Variants in TANC2 observed in about 807,000 individuals in gnomAD.
TANC2 encodes the protein protein TANC2.
In TANC2, 26 loss-of-function variants were observed where a neutral mutation model predicts 210.5. The observed-to-expected ratio is 0.12, with a 90% confidence interval of 0.09 to 0.17. The LOEUF (loss-of-function observed/expected upper bound fraction) is 0.17. Among genes scored for constraint, TANC2 ranks in the 10% least tolerant of loss-of-function variants. The pLI, the probability that TANC2 is intolerant of heterozygous loss-of-function variation, is 1.00. For missense variants in TANC2, 2,129 were observed against 2,608.9 expected (o/e 0.82, Z 4.01); for synonymous variants, 931 against 967.1 (o/e 0.96, Z 0.69).
At chr17:63,301,467 G>C (rs1233008635) in intron 9 of TANC2, among the ~76,000 whole-genome samples, 1 of 152,148 alleles carries the variant, frequency 6.6e-6, no homozygotes, top group Non-Finnish European at 1.5e-5. Flanking sequence ...CTTGTTACTG[G>C]TCTATTCAGG....
chr17:63,270,523 T>A (rs574419966), intron 9 of TANC2, among the ~76,000 whole-genome samples: 1 of 152,294 alleles, frequency 6.6e-6, no homozygotes, highest in East Asian at 1.9e-4. Flanking sequence ...TTCTTCTGAT[T>A]ATGATTAAAA....
chr17:63,424,210 C>T (rs942742898), exon 28 of TANC2: 3 of 152,276 alleles, frequency 2.0e-5, no homozygotes, highest in Non-Finnish European at 4.4e-5. Context: ...GCTGATGCCG[C>T]TTCTCCCCAG....
At chr17:63,042,087 C>A (rs992162788) in intron 2 of TANC2, among the ~76,000 whole-genome samples, 2 of 152,110 alleles carry the variant, frequency 1.3e-5, no homozygotes, top group African/African-American at 4.8e-5. Context: ...AATATAGTTG[C>A]AAATTATAGT....
At chr17:63,242,635 T>G (rs901893696) in intron 8 of TANC2, among the ~76,000 whole-genome samples, 1 of 151,992 alleles carries the variant, frequency 6.6e-6, no homozygotes, top group Non-Finnish European at 1.5e-5. Flanking sequence ...AGGTCAAAAA[T>G]GAGTGGGATT....
intron 1 of TANC2, among the ~76,000 whole-genome samples, chr17:63,009,051 CT>C: frequency 6.6e-6 from 1 of 152,014 alleles, no homozygotes; most frequent in South Asian, 2.1e-4. Context: ...GTTTAATAGT[CT>C]TTTTTATCAT....
intron 1 of TANC2, among the ~76,000 whole-genome samples, chr17:63,002,922 T>C (rs1341674138): frequency 1.3e-5 from 2 of 152,214 alleles, no homozygotes; most frequent in East Asian, 3.8e-4. Flanking sequence ...TATAAATCTG[T>C]TATGAAAATT....
At chr17:63,238,034 G>A (rs774250121) in exon 8 of TANC2, 4 of 1,552,776 alleles carry the variant, frequency 2.6e-6, no homozygotes, top group African/African-American at 1.4e-5. Flanking sequence ...AATCAGTACA[G>A]TCTATTCCTT....
intron 11 of TANC2, among the ~76,000 whole-genome samples, chr17:63,324,268 T>G (rs149930000): frequency 2.0e-5 from 3 of 152,092 alleles, no homozygotes; most frequent in African/African-American, 7.2e-5. Context: ...AAAGCAAAGG[T>G]TTTTTTTCCC....
intron 1 of TANC2, among the ~76,000 whole-genome samples, chr17:62,986,571 C>T (rs2032576470): frequency 6.6e-6 from 1 of 151,362 alleles, no homozygotes; most frequent in African/African-American, 2.4e-5. Context: ...GCTTGGCTGG[C>T]CAGAGGCTTG....
chr17:63,285,352 CTTAG>C lies in TANC2; in HGVS notation c.1159+17483_1159+17486del, dbSNP rs932289890. On this transcript the variant is annotated intron_variant, in intron 9 of 27. Transcript: ENST00000689528. ...TTGATTATTTGTATATTTTTATCTC[CTTAG>C]TTAATTAGCTGTACTCTTTGTTATT... Among the ~76,000 whole-genome samples, 152 of 151,894 alleles carry C rather than the reference CTTAG, an allele frequency of 1.0e-3. 1 individual carries two copies. Among genetic ancestry groups the C allele is most frequent in the African/African-American group, 3.6e-3 (148 of 41,416 alleles).
intron 17 of TANC2, chr17:63,389,756 C>T (rs1027986503): frequency 5.2e-6 from 3 of 572,782 alleles, no homozygotes; most frequent in Admixed American, 6.2e-5. Flanking sequence ...TTGAGAGGTG[C>T]TTGGGAAACT....
chr17:63,314,129 C>T (rs571320849), intron 9 of TANC2, among the ~76,000 whole-genome samples: 9 of 152,280 alleles, frequency 5.9e-5, no homozygotes, highest in South Asian at 2.1e-4. Context: ...AATATCATCC[C>T]GACTTTCGGA....
chr17:63,250,791 T>C (rs1404128089), intron 8 of TANC2, among the ~76,000 whole-genome samples: 1 of 152,130 alleles, frequency 6.6e-6, no homozygotes, highest in Admixed American at 6.6e-5. Flanking sequence ...GGAAAAGTAA[T>C]GTTAGTAAGT....
chr17:63,099,079 AAT>A (rs1444598972), intron 3 of TANC2, 94 bp from the exon 4 acceptor site: 2 of 1,240,534 alleles, frequency 1.6e-6, no homozygotes, highest in Admixed American at 4.1e-5. Context: ...TCACAGTGAA[AAT>A]ATTTGTTGTT....
rs143761780 is a variant in TANC2, at chr17:63,229,120, G to A, written c.770-8694G>A. ...ATGTTCCATCAATAGCTAGTTTATCGAGAGTTTTCTACATGAAGGGATGTT... is the reference window on the plus strand; with the variant it reads ...ATGTTCCATCAATAGCTAGTTTATCAAGAGTTTTCTACATGAAGGGATGTT... On this transcript the variant is annotated intron_variant, in intron 7 of 27. Transcript: ENST00000689528. 1.7e-3 allele frequency among the ~76,000 whole-genome samples: 265 copies of A among 152,218 alleles called. 1 individual carries two copies. Among genetic ancestry groups the A allele is most frequent in the African/African-American group, 5.9e-3 (245 of 41,542 alleles).
At chr17:63,419,249 C>T (rs1349916869) in intron 27 of TANC2, among the ~76,000 whole-genome samples, 3 of 152,198 alleles carry the variant, frequency 2.0e-5, no homozygotes, top group African/African-American at 7.2e-5. Context: ...GCTGGGGCAA[C>T]GAAGTCCTCA....
At chr17:62,992,162 A>G (rs967471257) in intron 1 of TANC2, among the ~76,000 whole-genome samples, 2 of 152,308 alleles carry the variant, frequency 1.3e-5, no homozygotes, top group Non-Finnish European at 2.9e-5. Flanking sequence ...GCATCTGCAG[A>G]TTTTGGTATC....
chr17:63,176,815 A>C (rs2040599649), intron 5 of TANC2, among the ~76,000 whole-genome samples: 1 of 151,674 alleles, frequency 6.6e-6, no homozygotes, highest in Admixed American at 6.6e-5. Context: ...CAAAAAAAAA[A>C]AAAAAAAAAA....
chr17:63,320,158 C>A (rs776255132), intron 11 of TANC2, among the ~76,000 whole-genome samples: 3 of 152,098 alleles, frequency 2.0e-5, no homozygotes, highest in Non-Finnish European at 4.4e-5. Flanking sequence ...CCTTCTTGAA[C>A]GATTTTGTTT....
Sources: gnomAD v4.1 joint callset for allele counts (sites outside exome capture counted in the v4.1 genomes callset) on GRCh38, gnomAD v4.1.1 for gene constraint, MANE v1.5 for transcripts, NCBI Gene and HGNC (gene_info 2026-07-23, HGNC 2026-07-21) for gene names.